The following CNTN4 variants were observed in gnomAD, a reference collection of about 807,000 sequenced individuals.
CNTN4 encodes the protein contactin-4.
A neutral mutation model predicts 122.5 loss-of-function variants in CNTN4; 77 were observed. The ratio of observed to expected loss-of-function variants is 0.63; its 90% confidence interval spans 0.52 to 0.76. The LOEUF (loss-of-function observed/expected upper bound fraction) is 0.76. Ranked by LOEUF, CNTN4 falls within the 30% of genes least tolerant of loss-of-function variation. CNTN4 has a pLI of 0.00. For missense variants in CNTN4, 1,256 were observed against 1,259.1 expected, an observed-to-expected ratio of 1.00 and a Z score of 0.04; for synonymous variants, 512 against 447.0, an observed-to-expected ratio of 1.15 and a Z score of -1.83.
intron 7 of CNTN4, among the ~76,000 whole-genome samples, chr3:2,865,942 T>C (rs2093719202): frequency 6.6e-6 from 1 of 152,234 alleles, no homozygotes; most frequent in African/African-American, 2.4e-5. Flanking sequence ...AAAATGTTGC[T>C]GTTTTATCAC....
At chr3:2,931,631 T>C (rs900604361) in intron 13 of CNTN4, among the ~76,000 whole-genome samples, 6 of 152,178 alleles carry the variant, frequency 3.9e-5, no homozygotes, top group African/African-American at 1.4e-4. Flanking sequence ...ATTGTTTATT[T>C]ATTTATTATT....
intron 4 of CNTN4, among the ~76,000 whole-genome samples, chr3:2,644,758 C>A (rs1372842119): frequency 7.0e-6 from 1 of 143,038 alleles, no homozygotes; most frequent in Non-Finnish European, 1.5e-5. Context: ...TTGTGGCTAA[C>A]CCTGAGCATA....
At chr3:2,444,051 A>T (rs538327213) in intron 3 of CNTN4, among the ~76,000 whole-genome samples, 29 of 152,186 alleles carry the variant, frequency 1.9e-4, no homozygotes, top group Non-Finnish European at 2.8e-4. Context: ...GGGAGCATTT[A>T]TCTTTCCTTC....
At chr3:2,467,760 C>G (rs1311661054) in intron 3 of CNTN4, among the ~76,000 whole-genome samples, 1 of 152,088 alleles carries the variant, frequency 6.6e-6, no homozygotes, top group South Asian at 2.1e-4. Flanking sequence ...CTTTTAAAAT[C>G]AAGACCAAAT....
chr3:2,285,039 TAAA>T (rs1048997728), intron 2 of CNTN4, among the ~76,000 whole-genome samples: 74 of 152,000 alleles, frequency 4.9e-4, no homozygotes, highest in Non-Finnish European at 6.9e-4. Context: ...TTATTAATAA[TAAA>T]AAGAGAGACA....
chr3:2,322,086 C>G (rs536698501), intron 2 of CNTN4, among the ~76,000 whole-genome samples: 2 of 152,238 alleles, frequency 1.3e-5, no homozygotes, highest in East Asian at 3.9e-4. Flanking sequence ...ACTTATGCCA[C>G]AAGGTCACAT....
At chr3:2,915,071 T>C (rs2094339193) in intron 12 of CNTN4, among the ~76,000 whole-genome samples, 1 of 123,296 alleles carries the variant, frequency 8.1e-6, no homozygotes, top group Non-Finnish European at 1.7e-5. Flanking sequence ...TTCAATACCA[T>C]GTCTTTTTTG....
At chr3:2,241,141 A>G (rs2039918947) in intron 2 of CNTN4, among the ~76,000 whole-genome samples, 1 of 152,184 alleles carries the variant, frequency 6.6e-6, no homozygotes, top group Admixed American at 6.6e-5. Flanking sequence ...AATTAAAATA[A>G]TGGATATTTA....
At chr3:2,613,751 T>G (rs931904605) in intron 4 of CNTN4, among the ~76,000 whole-genome samples, 4 of 152,138 alleles carry the variant, frequency 2.6e-5, no homozygotes, top group African/African-American at 9.7e-5. Context: ...GTCATAAGCA[T>G]TTGTTTTTAA....
At chr3:2,399,399 G>C (rs1309957422) in intron 3 of CNTN4, among the ~76,000 whole-genome samples, 2 of 151,958 alleles carry the variant, frequency 1.3e-5, no homozygotes, top group African/African-American at 2.4e-5. Context: ...AGGTGTTTTT[G>C]TTTTTGTTGT....
intron 13 of CNTN4, among the ~76,000 whole-genome samples, chr3:2,966,459 T>C (rs1296580298): frequency 6.6e-6 from 1 of 151,996 alleles, no homozygotes; most frequent in Non-Finnish European, 1.5e-5. Flanking sequence ...AGACAGAAAG[T>C]AGAATAACAA....
In CNTN4 at chr3:2,587,989, G is replaced by T. The variant is rs150387429; in HGVS notation, c.55+16431G>T. On this transcript the variant is annotated intron_variant, in intron 4 of 24. Coordinates refer to ENST00000418658, the MANE Select transcript of CNTN4 (RefSeq NM_175607.3). ...GAGCACAAGTGAGCTTTCTAGGTCA[G>T]CGTTTCCCAAAATTTTATCATCTAT... Among the ~76,000 whole-genome samples, 162 of 152,088 alleles carry T rather than the reference G, an allele frequency of 1.1e-3. 1 individual carries two copies. Among genetic ancestry groups the T allele is most frequent in the African/African-American group, 3.6e-3 (150 of 41,506 alleles).
chr3:2,214,482 C>G (rs1378263083), intron 2 of CNTN4, among the ~76,000 whole-genome samples: 1 of 152,102 alleles, frequency 6.6e-6, no homozygotes, highest in Non-Finnish European at 1.5e-5. Context: ...GATGTCCATG[C>G]CTCCATCTTT....
chr3:2,827,188 C>T (rs1195477246), intron 7 of CNTN4, among the ~76,000 whole-genome samples: 2 of 152,154 alleles, frequency 1.3e-5, no homozygotes, highest in South Asian at 2.1e-4. Flanking sequence ...CCTGTACTTC[C>T]AGCTTACTCC....
Position 2,705,394 on chromosome 3 carries a change from T to A in CNTN4, c.56-30821T>A, listed in dbSNP as rs1191165075. Among the ~76,000 whole-genome samples, 37 of 134,850 alleles carry A rather than the reference T, an allele frequency of 2.7e-4. 1 individual carries two copies. The highest frequency in any genetic ancestry group is 2.8e-5 in the African/African-American group (1 of 35,698). 88.5% of individuals were successfully genotyped at this position (134,850 alleles called of 152,430 possible). On this transcript the variant is annotated intron_variant, in intron 4 of 24. Coordinates refer to ENST00000418658, the MANE Select transcript of CNTN4 (RefSeq NM_175607.3). ...AAAAAAAAAAAAAAGAATTCTCAGC[T>A]GGTTAATAGCACAGCCAGGTGTACA...
At chr3:2,517,910 T>G (rs1005795027) in intron 3 of CNTN4, among the ~76,000 whole-genome samples, 2 of 152,166 alleles carry the variant, frequency 1.3e-5, no homozygotes, top group African/African-American at 4.8e-5. Flanking sequence ...TCTGGTAATT[T>G]AAGGTGTGTG....
chr3:2,757,357 G>T (rs181884708), intron 6 of CNTN4, among the ~76,000 whole-genome samples: 10 of 152,140 alleles, frequency 6.6e-5, no homozygotes, highest in African/African-American at 2.4e-4. Flanking sequence ...GTGATGCGGA[G>T]TAGTTTGTTG....
chr3:2,429,023 C>T (rs936592472), intron 3 of CNTN4, among the ~76,000 whole-genome samples: 3 of 152,142 alleles, frequency 2.0e-5, no homozygotes, highest in Non-Finnish European at 4.4e-5. Context: ...TTCGGACATC[C>T]TTCTTTTGCT....
intron 2 of CNTN4, among the ~76,000 whole-genome samples, chr3:2,207,836 G>A (rs574887875): frequency 1.2e-4 from 18 of 152,186 alleles, no homozygotes; most frequent in African/African-American, 4.3e-4. Flanking sequence ...TCATTGCCTG[G>A]ATTCAGAGCC....
Sources: allele counts gnomAD v4.1 joint callset (sites outside exome capture counted in the v4.1 genomes callset), GRCh38; gene constraint gnomAD v4.1.1; transcripts MANE v1.5; gene names NCBI Gene and HGNC (gene_info 2026-07-23, HGNC 2026-07-21).